Variants in BAZ2B observed in about 807,000 individuals in gnomAD.
The protein encoded by BAZ2B is bromodomain adjacent to zinc finger domain protein 2B.
In BAZ2B, 91 loss-of-function variants were observed where a neutral mutation model predicts 246.0. The ratio of observed to expected loss-of-function variants is 0.37; its 90% confidence interval spans 0.31 to 0.44. BAZ2B has a LOEUF of 0.44. Ranked by LOEUF, BAZ2B falls within the 20% of genes least tolerant of loss-of-function variation. The pLI, the probability that BAZ2B is intolerant of heterozygous loss-of-function variation, is 1.00. For missense variants in BAZ2B, 2,332 were observed against 2,533.7 expected, an observed-to-expected ratio of 0.92 and a Z score of 1.71; for synonymous variants, 855 against 860.0, an observed-to-expected ratio of 0.99 and a Z score of 0.10.
intron 2 of BAZ2B, among the ~76,000 whole-genome samples, chr2:159,550,390 C>A (rs978027417): frequency 6.6e-6 from 1 of 152,152 alleles, no homozygotes; most frequent in African/African-American, 2.4e-5. Flanking sequence ...CAATTATGCT[C>A]ACAATTCAGC....
intron 2 of BAZ2B, among the ~76,000 whole-genome samples, chr2:159,501,224 ATT>A (rs1269757856): frequency 3.5e-5 from 4 of 114,046 alleles, no homozygotes; most frequent in Admixed American, 1.1e-4. Context: ...TTATATATAT[ATT>A]TATATATATA....
At chr2:159,453,021 A>G (rs951357303) in intron 4 of BAZ2B, among the ~76,000 whole-genome samples, 6 of 152,172 alleles carry the variant, frequency 3.9e-5, no homozygotes, top group Non-Finnish European at 8.8e-5. Flanking sequence ...AACTGCTTGA[A>G]CCTAGAAGGC....
intron 31 of BAZ2B, among the ~76,000 whole-genome samples, chr2:159,339,777 T>A (rs993021566): frequency 6.6e-6 from 1 of 152,090 alleles, no homozygotes; most frequent in African/African-American, 2.4e-5. Context: ...GCAAAATGGA[T>A]GGACTGGAGG....
intron 16 of BAZ2B, among the ~76,000 whole-genome samples, chr2:159,402,382 G>A (rs987265849): frequency 2.0e-5 from 3 of 152,106 alleles, no homozygotes; most frequent in Non-Finnish European, 4.4e-5. Flanking sequence ...CCCAGGAGGC[G>A]GAGGCTGCAG....
rs2070949457 is a variant in BAZ2B at position 159,430,756 on chromosome 2, CT to C, written c.2194+106del. ...CTTCCTTAGCCAACCTAAAATCTAA[CT>C]TTAATCTTGATTCCAGTGAGATCAT... On this transcript the variant is annotated intron_variant, in intron 10 of 36. Coordinates refer to ENST00000392783, the MANE Select transcript of BAZ2B (RefSeq NM_013450.4). 2.7e-6 allele frequency: 4 copies of C among 1,487,788 alleles called. No individual in the cohort carries two copies. In the East Asian group the frequency reaches 9.3e-5, roughly 35 times the overall value. The allele number at this position is 1,487,788 out of a possible 1,614,324, so 92.2% of individuals were successfully genotyped here.
intron 2 of BAZ2B, among the ~76,000 whole-genome samples, chr2:159,522,629 C>T (rs2084256336): frequency 6.6e-6 from 1 of 152,126 alleles, no homozygotes; most frequent in African/African-American, 2.4e-5. Context: ...TAAATGTAAA[C>T]TCTGAAAGTT....
At chr2:159,650,255 T>C in the BAZ2B span, among the ~76,000 whole-genome samples, 2 of 152,100 alleles carry the variant, frequency 1.3e-5, no homozygotes, top group East Asian at 1.9e-4. Flanking sequence ...GGGTGTCATA[T>C]ATTGTGAATT....
intron 2 of BAZ2B, among the ~76,000 whole-genome samples, chr2:159,497,531 G>A (rs1347750136): frequency 6.6e-6 from 1 of 152,148 alleles, no homozygotes; most frequent in Non-Finnish European, 1.5e-5. Flanking sequence ...GGAGACAAGA[G>A]TTGGCCAGAA....
the BAZ2B span, among the ~76,000 whole-genome samples, chr2:159,660,504 C>G: frequency 3.3e-5 from 5 of 152,046 alleles, no homozygotes; most frequent in Non-Finnish European, 5.9e-5. Context: ...TTAATGGTAA[C>G]TCTATGTTTA....
At chr2:159,446,488 T>C (rs570210360) in intron 6 of BAZ2B, among the ~76,000 whole-genome samples, 2 of 152,340 alleles carry the variant, frequency 1.3e-5, no homozygotes, top group Non-Finnish European at 2.9e-5. Flanking sequence ...TTTGGTGCTT[T>C]GCTTCTCCAT....
intron 3 of BAZ2B, among the ~76,000 whole-genome samples, chr2:159,465,124 T>G (rs1402003706): frequency 3.3e-5 from 5 of 152,280 alleles, no homozygotes; most frequent in Non-Finnish European, 2.9e-5. Flanking sequence ...AATCAAGGTG[T>G]CAACAAGGCC....
intron 2 of BAZ2B, among the ~76,000 whole-genome samples, chr2:159,501,537 A>T (rs77122119): frequency 0.016 from 2,394 of 152,008 alleles, 63 homozygotes; most frequent in African/African-American, 0.054. Context: ...ACAAAGTACA[A>T]ACTCAGTAAT....
chr2:159,365,888 C>G (rs2060166919), intron 27 of BAZ2B, among the ~76,000 whole-genome samples: 1 of 152,224 alleles, frequency 6.6e-6, no homozygotes, highest in Admixed American at 6.5e-5. Context: ...ACTCTCTCTT[C>G]ACCTTTCTTG....
intron 3 of BAZ2B, among the ~76,000 whole-genome samples, chr2:159,454,006 C>T (rs1042261452): frequency 1.3e-5 from 2 of 151,944 alleles, no homozygotes; most frequent in Admixed American, 1.3e-4. Flanking sequence ...AAATAAATGG[C>T]ATAAATTAAC....
intron 2 of BAZ2B, among the ~76,000 whole-genome samples, chr2:159,480,692 T>C (rs1450697009): frequency 6.6e-6 from 1 of 151,880 alleles, no homozygotes; most frequent in Non-Finnish European, 1.5e-5. Context: ...GCAATGAGAG[T>C]AGAACTAGAG....
intron 1 of BAZ2B, among the ~76,000 whole-genome samples, chr2:159,591,426 G>A (rs1689363131): frequency 6.6e-6 from 1 of 152,058 alleles, no homozygotes; most frequent in Non-Finnish European, 1.5e-5. Flanking sequence ...GTCTACTTCT[G>A]TTTCTATGGC....
chr2:159,694,053 G>A, the BAZ2B span: 3 of 152,142 alleles, frequency 2.0e-5, no homozygotes, highest in Non-Finnish European at 4.4e-5. Flanking sequence ...ACCTTAGAAT[G>A]TGATTGAATT....
chr2:159,545,705 T>C lies in BAZ2B; in HGVS notation c.-3+10118A>G, dbSNP rs190894254. On this transcript the variant is annotated intron_variant, in intron 2 of 36. Transcript: ENST00000392783. The stretch of plus-strand genomic sequence containing the variant: ...CTGCAAGGATGAATAAAATATAATC[T>C]ATGCCTTTACTAGATTATAAGGAGT... 1.5e-3 allele frequency among the ~76,000 whole-genome samples: 223 copies of C among 152,282 alleles called. 1 individual carries two copies. Among genetic ancestry groups the C allele is most frequent in the Admixed American group, 3.0e-3 (46 of 15,292 alleles).
the BAZ2B span, among the ~76,000 whole-genome samples, chr2:159,664,616 T>A: frequency 7.9e-5 from 2 of 25,326 alleles, no homozygotes; most frequent in Non-Finnish European, 1.5e-4. Context: ...TTTGCATTTC[T>A]CTGATGGCCA....
Sources: allele counts gnomAD v4.1 joint callset (sites outside exome capture counted in the v4.1 genomes callset), GRCh38; gene constraint gnomAD v4.1.1; transcripts MANE v1.5; gene names NCBI Gene and HGNC (gene_info 2026-07-23, HGNC 2026-07-21).